RECK: variants seen among roughly 807,000 people sequenced by gnomAD.
RECK encodes reversion inducing cysteine rich protein with kazal motifs, also known as reversion-inducing cysteine-rich protein with Kazal motifs.
A neutral mutation model predicts 115.1 loss-of-function variants in RECK; 69 were observed. The ratio of observed to expected loss-of-function variants is 0.60; its 90% CI spans 0.49 to 0.73. The LOEUF is 0.73. RECK is among the 30% of genes least tolerant of loss of function. RECK has a pLI of 0.00. For missense variants in RECK, 1,047 were observed against 1,203.7 expected, an observed-to-expected ratio of 0.87 and a Z score of 1.93; for synonymous variants, 414 against 419.7, an observed-to-expected ratio of 0.99 and a Z score of 0.17.
At position 36,112,446 on chromosome 9, in the gene RECK, G is replaced by A; in HGVS notation, c.2030G>A (p.Cys677Tyr). 1 of 1,614,090 alleles carries A rather than the reference G, an allele frequency of 6.2e-7. No individual in the cohort carries two copies. Among genetic ancestry groups the A allele is most frequent in the Non-Finnish European group, 8.5e-7 (1 of 1,180,038 alleles). ...EFGSCMSKDP[C>Y]NPNPCQKNQR... Reference sequence around the variant, plus strand: ...GGATCATGCATGTCAAAGGATCCATGTAATCCTAATCCCTGCCAAAAAAAC... The same window carrying A: ...GGATCATGCATGTCAAAGGATCCATATAATCCTAATCCCTGCCAAAAAAAC... Residue 677 changes from cysteine to tyrosine, a missense_variant, in exon 16 of 21, where the codon TGT (cysteine) becomes TAT (tyrosine). Transcript: ENST00000377966.
intron 20 of RECK, 26 bp from the exon 21 acceptor site, chr9:36,122,798 T>C (rs1467784453): frequency 6.3e-7 from 1 of 1,591,700 alleles, no homozygotes; most frequent in South Asian, 1.1e-5. Context: ...GGTTTTATAT[T>C]AAGGGAACCT....
chr9:36,051,109 C>T (rs1319689064), intron 1 of RECK, among the ~76,000 whole-genome samples: 1 of 152,074 alleles, frequency 6.6e-6, no homozygotes, highest in Non-Finnish European at 1.5e-5. Flanking sequence ...TGATCAGTGC[C>T]TAGTACTTAA....
At chr9:36,058,152 G>GGT (rs201529668) in intron 2 of RECK, among the ~76,000 whole-genome samples, 2,919 of 151,344 alleles carry the variant, frequency 0.019, 68 homozygotes, top group East Asian at 0.061. Context: ...CCCATTACTG[G>GGT]GTATATACCC....
intron 8 of RECK, among the ~76,000 whole-genome samples, chr9:36,084,469 C>T (rs962044871): frequency 6.6e-6 from 1 of 151,978 alleles, no homozygotes; most frequent in Non-Finnish European, 1.5e-5. Flanking sequence ...CTGAGGTGGG[C>T]AGATCACCTG....
At chr9:36,106,967 ATGG>A (rs1823843316) in intron 13 of RECK, among the ~76,000 whole-genome samples, 1 of 151,952 alleles carries the variant, frequency 6.6e-6, no homozygotes, top group East Asian at 1.9e-4. Flanking sequence ...TTAGCCGGGC[ATGG>A]TGGTGGGCAC....
chr9:36,074,973 G>T (rs1402733359), intron 6 of RECK, among the ~76,000 whole-genome samples: 1 of 152,228 alleles, frequency 6.6e-6, no homozygotes, highest in East Asian at 1.9e-4. Context: ...AGGTCAGCCT[G>T]GGGCTGCCTG....
intron 8 of RECK, 58 bp downstream of exon 8, chr9:36,083,620 A>C: frequency 6.5e-7 from 1 of 1,536,206 alleles, no homozygotes; most frequent in Non-Finnish European, 8.9e-7. Context: ...GTTTGTAAAA[A>C]GAAGTGATAC....
chr9:36,081,058 G>C (rs1025741752), intron 7 of RECK, among the ~76,000 whole-genome samples: 4 of 152,150 alleles, frequency 2.6e-5, no homozygotes, highest in African/African-American at 9.7e-5. Flanking sequence ...GGAGTTCAGA[G>C]AAAGAAGGGA....
chr9:36,071,776 A>T (rs529920567), intron 6 of RECK, among the ~76,000 whole-genome samples: 1 of 152,206 alleles, frequency 6.6e-6, no homozygotes, highest in Non-Finnish European at 1.5e-5. Context: ...TGCCAATACA[A>T]CTAAAATATT....
At chr9:36,063,909 A>T in intron 5 of RECK, 29 bp downstream of exon 5, 1 of 1,599,848 alleles carries the variant, frequency 6.3e-7, no homozygotes, top group Non-Finnish European at 8.6e-7. Context: ...GCTCTCAAAC[A>T]TCATGGAGTG....
intron 10 of RECK, among the ~76,000 whole-genome samples, chr9:36,096,141 G>A (rs1161268749): frequency 2.0e-5 from 3 of 151,998 alleles, no homozygotes; most frequent in African/African-American, 7.2e-5. Flanking sequence ...GGAGGCTGAG[G>A]TGGGAGGATG....
chr9:36,076,974 A>G (rs954745309), intron 6 of RECK, among the ~76,000 whole-genome samples: 2 of 152,094 alleles, frequency 1.3e-5, no homozygotes, highest in Non-Finnish European at 2.9e-5. Context: ...GCTTGCTTAT[A>G]CATATCTGGC....
At chr9:36,046,095 C>T (rs1197163601) in intron 1 of RECK, among the ~76,000 whole-genome samples, 2 of 152,142 alleles carry the variant, frequency 1.3e-5, no homozygotes, top group African/African-American at 2.4e-5. Flanking sequence ...TATTTTGAAT[C>T]ATTCCATCTT....
chr9:36,083,335 T>C, intron 7 of RECK, 30 bp from the exon 8 acceptor site: 6 of 1,607,270 alleles, frequency 3.7e-6, no homozygotes, highest in Non-Finnish European at 5.1e-6. Context: ...GCTGTTTCCA[T>C]GTCAGTGCCT....
intron 13 of RECK, 86 bp from the exon 14 acceptor site, chr9:36,107,889 TA>T: frequency 2.2e-6 from 2 of 920,306 alleles, no homozygotes; most frequent in South Asian, 1.7e-5. Context: ...TTAGTACCTA[TA>T]AGACTTTTAT....
chr9:36,114,794 G>A (rs548942651), intron 16 of RECK, among the ~76,000 whole-genome samples: 2 of 152,188 alleles, frequency 1.3e-5, no homozygotes, highest in East Asian at 1.9e-4. Flanking sequence ...GCAGTAAGCC[G>A]AGATGGTGCC....
At chr9:36,116,750 G>C (rs996217324) in intron 16 of RECK, among the ~76,000 whole-genome samples, 2 of 152,108 alleles carry the variant, frequency 1.3e-5, no homozygotes, top group East Asian at 3.8e-4. Flanking sequence ...CTTTCTTCAG[G>C]CTCCCCAGAC....
chr9:36,074,425 C>T (rs1377227416), intron 6 of RECK, among the ~76,000 whole-genome samples: 1 of 152,098 alleles, frequency 6.6e-6, no homozygotes, highest in African/African-American at 2.4e-5. Context: ...AGCTCATAGT[C>T]CATGGGAAGA....
chr9:36,072,282 C>G (rs989255099), intron 6 of RECK, among the ~76,000 whole-genome samples: 4 of 152,094 alleles, frequency 2.6e-5, no homozygotes, highest in Non-Finnish European at 5.9e-5. Context: ...CTACCAGAAG[C>G]ATAAAGGAAA....
Sources: gnomAD v4.1 joint callset for allele counts (sites outside exome capture counted in the v4.1 genomes callset) on GRCh38, gnomAD v4.1.1 for gene constraint, MANE v1.5 for transcripts, NCBI Gene and HGNC (gene_info 2026-07-23, HGNC 2026-07-21) for gene names.